Variants in TAL1 observed in about 807,000 individuals in gnomAD.
The protein encoded by TAL1 is TAL bHLH transcription factor 1, erythroid differentiation factor, also known as T-cell acute lymphocytic leukemia protein 1.
A neutral mutation model predicts 17.9 loss-of-function variants in TAL1; 8 were observed. That is an observed-to-expected ratio of 0.45 (90% confidence interval 0.26 to 0.81). The LOEUF is 0.81. Among genes scored for constraint, TAL1 ranks in the 30% least tolerant of loss-of-function variants. The pLI is 0.17. For synonymous variants in TAL1, 223 were observed against 218.6 expected (o/e 1.02, Z -0.18); for missense variants, 466 against 486.9 (o/e 0.96, Z 0.40).
At position 47,221,651 on chromosome 1, in the gene TAL1, T is replaced by C. The variant is rs143689132; in HGVS notation, c.542-1477A>G. On this transcript the variant is annotated intron_variant, in intron 3 of 3. Coordinates refer to ENST00000294339, the Ensembl canonical transcript of TAL1. ...AGTCCTAGGATATTTATTTTCCCTC[T>C]TCTAGTAACCCCTGGAACCAGACCT... Among the ~76,000 whole-genome samples the C allele has an allele frequency of 1.4e-4, 21 of 152,324 alleles. No homozygotes were observed. The East Asian group carries it at 3.7e-3, about 27-fold the overall frequency.
intron 1 of TAL1, 91 bp from the exon 3 acceptor site, chr1:47,225,980 A>C (rs1255942910): frequency 1.9e-5 from 24 of 1,289,014 alleles, no homozygotes; most frequent in Non-Finnish European, 2.4e-5. Context: ...AGAAGGGCAG[A>C]GAGAGGAACT....
At chr1:47,225,629 C>G in exon 2 of TAL1, 3 of 1,383,442 alleles carry the variant, frequency 2.2e-6, no homozygotes, top group Non-Finnish European at 2.8e-6. Flanking sequence ...GGTGGGCACC[C>G]GATGGCGCGC....
At chr1:47,219,295 A>C in exon 4 of TAL1, 1 of 479,596 alleles carries the variant, frequency 2.1e-6, no homozygotes, top group Non-Finnish European at 3.9e-6. Context: ...AGAAGTGGCC[A>C]CACAGGCCAC....
At chr1:47,222,406 A>G (rs1363110227) in intron 3 of TAL1, among the ~76,000 whole-genome samples, 1 of 152,158 alleles carries the variant, frequency 6.6e-6, no homozygotes, top group African/African-American at 2.4e-5. Flanking sequence ...GTAAACAATA[A>G]TATTGCCCTC....
chr1:47,218,888 C>G (rs1331865780), exon 4 of TAL1: 2 of 246,458 alleles, frequency 8.1e-6, no homozygotes, highest in Non-Finnish European at 1.6e-5. Flanking sequence ...ACAGTGATGT[C>G]GAGGAGTTGA....
At chr1:47,227,888 C>G (rs1643936318) in intron 1 of TAL1, 1 of 152,222 alleles carries the variant, frequency 6.6e-6, no homozygotes. Context: ...GGTTCCCTAC[C>G]TCACTGCTCT....
At chr1:47,221,283 A>C (rs1042941200) in intron 3 of TAL1, among the ~76,000 whole-genome samples, 1 of 152,236 alleles carries the variant, frequency 6.6e-6, no homozygotes, top group African/African-American at 2.4e-5. Context: ...AGCTATGCAC[A>C]GCCATGGCCT....
chr1:47,230,756 G>A (rs1227871173), upstream of TAL1: 4 of 152,212 alleles, frequency 2.6e-5, no homozygotes, highest in Admixed American at 6.5e-5. Flanking sequence ...GATGACGATT[G>A]TGATGGTGAT....
At chr1:47,231,779 A>T, upstream of TAL1, 1 of 233,884 alleles carries the variant, frequency 4.3e-6, no homozygotes, top group East Asian at 6.0e-5. Context: ...ACACTCGGAC[A>T]CAGAGCCTGT....
At chr1:47,221,198 G>A (rs1643797058) in intron 3 of TAL1, among the ~76,000 whole-genome samples, 2 of 152,168 alleles carry the variant, frequency 1.3e-5, no homozygotes, top group African/African-American at 4.8e-5. Flanking sequence ...CCATCATGGT[G>A]GCAGGTGGGG....
chr1:47,222,835 C>T (rs185739435), intron 3 of TAL1, among the ~76,000 whole-genome samples: 4 of 152,232 alleles, frequency 2.6e-5, no homozygotes, highest in African/African-American at 9.6e-5. Context: ...CAAACCCTCG[C>T]CCCTATGCTC....
chr1:47,217,523 C>A, exon 4 of TAL1: 1 of 398,534 alleles, frequency 2.5e-6, no homozygotes, highest in South Asian at 1.3e-4. Context: ...CTGCCTAGGT[C>A]GTGGACTCAG....
chr1:47,230,164 A>T (rs1206831926), upstream of TAL1: 1 of 152,034 alleles, frequency 6.6e-6, no homozygotes, highest in African/African-American at 2.4e-5. Context: ...TTCGGGGTTT[A>T]GACAGAGTAA....
intron 1 of TAL1, 90 bp downstream of exon 2, chr1:47,229,106 T>C (rs1643961735): frequency 9.3e-6 from 1 of 107,274 alleles, no homozygotes; most frequent in African/African-American, 3.6e-5. Context: ...GAATGGGCTC[T>C]CCTCTGTCCT....
In TAL1 at chr1:47,218,077, A is replaced by G. The variant is rs1042111029; in HGVS notation, c.*1643T>C. The G allele has an allele frequency of 1.8e-5, 5 of 274,302 alleles. No homozygotes were observed. In the Admixed American group the frequency reaches 2.1e-4, roughly 12 times the overall value. 17.0% of individuals were successfully genotyped at this position (274,302 alleles called of 1,614,324 possible). On this transcript the variant is annotated 3_prime_UTR_variant, in exon 4 of 4. Transcript: ENST00000294339. ...CCCATCATGGTGAGGACAAGCCACT[A>G]GGCTGAAGCCCAAACTATAAGGGGG...
At chr1:47,227,356 A>G (rs1643928504) in intron 1 of TAL1, 1 of 152,230 alleles carries the variant, frequency 6.6e-6, no homozygotes, top group Non-Finnish European at 1.5e-5. Context: ...TATTTAAAAG[A>G]AGAAAACAAA....
At chr1:47,220,160 C>A in exon 4 of TAL1, 2 of 1,568,548 alleles carry the variant, frequency 1.3e-6, no homozygotes, top group South Asian at 1.2e-5. Context: ...CGCCGCACAA[C>A]TTTGGTGTGG....
exon 4 of TAL1, chr1:47,219,936 A>G: frequency 8.3e-7 from 1 of 1,208,570 alleles, no homozygotes; most frequent in South Asian, 1.4e-5. Flanking sequence ...CCCCCACCAC[A>G]GGGTCCTTGC....
At chr1:47,230,837 C>G (rs1643998958), upstream of TAL1, 1 of 152,190 alleles carries the variant, frequency 6.6e-6, no homozygotes, top group Admixed American at 6.5e-5. Flanking sequence ...CTAACCCGGT[C>G]CCTCCCAGAG....
Sources: allele counts gnomAD v4.1 joint callset (sites outside exome capture counted in the v4.1 genomes callset), GRCh38; gene constraint gnomAD v4.1.1; transcripts MANE v1.5; gene names NCBI Gene and HGNC (gene_info 2026-07-23, HGNC 2026-07-21).